Variants in TG observed in about 807,000 individuals in gnomAD.
TG encodes the protein thyroglobulin.
TG carries 270 observed loss-of-function variants against 324.7 expected under a neutral mutation model. The observed-to-expected ratio is 0.83, with a 90% CI of 0.75 to 0.92. TG has a LOEUF of 0.92. Ranked by LOEUF, TG falls within the 40% of genes least tolerant of loss-of-function variation. The pLI is 0.00. For missense variants in TG, 3,591 were observed against 3,456.4 expected, an observed-to-expected ratio of 1.04 and a Z score of -0.98; for synonymous variants, 1,401 against 1,327.0, an observed-to-expected ratio of 1.06 and a Z score of -1.21.
chr8:133,078,561 G>T (rs1255418773), intron 41 of TG, among the ~76,000 whole-genome samples: 2 of 152,144 alleles, frequency 1.3e-5, no homozygotes, highest in Non-Finnish European at 2.9e-5. Flanking sequence ...CATGCATTTT[G>T]TGCTCCATAC....
chr8:133,045,177 A>C, intron 41 of TG: 19 of 1,590,752 alleles, frequency 1.2e-5, no homozygotes, highest in Non-Finnish European at 1.6e-5. Flanking sequence ...GCACCCAGCT[A>C]ACCAGCCCAC....
chr8:133,042,636 G>A (rs1587849428), intron 41 of TG, among the ~76,000 whole-genome samples: 1 of 125,320 alleles, frequency 8.0e-6, no homozygotes, highest in Non-Finnish European at 1.6e-5. Context: ...GTTGCTAGAT[G>A]TCAATTCAAA....
At chr8:132,946,978 G>C (rs1304370858) in intron 26 of TG, among the ~76,000 whole-genome samples, 1 of 152,142 alleles carries the variant, frequency 6.6e-6, no homozygotes, top group Non-Finnish European at 1.5e-5. Flanking sequence ...TCTGTTTCCT[G>C]GCTTTCAAGT....
At chr8:133,096,398 G>T in intron 43 of TG, 25 bp downstream of exon 43, 1 of 1,613,830 alleles carries the variant, frequency 6.2e-7, no homozygotes, top group African/African-American at 1.3e-5. Context: ...GGCCTCGGAT[G>T]TCTCCAGCTG....
intron 41 of TG, chr8:133,048,053 C>T (rs1020768165): frequency 4.9e-6 from 3 of 610,002 alleles, no homozygotes; most frequent in Admixed American, 2.9e-5. Context: ...CCCACTGAGA[C>T]AGGAAGCATC....
chr8:132,961,379 C>A (rs564522034), intron 28 of TG, among the ~76,000 whole-genome samples: 1 of 152,288 alleles, frequency 6.6e-6, no homozygotes, highest in South Asian at 2.1e-4. Flanking sequence ...AGGGCCATTG[C>A]AAAGCACAGG....
intron 16 of TG, 131 bp downstream of exon 16, chr8:132,901,684 T>A (rs566033863): frequency 2.1e-6 from 2 of 955,416 alleles, no homozygotes; most frequent in South Asian, 1.7e-5. Context: ...GGGATGTAGT[T>A]GTGGTTGAGT....
intron 41 of TG, among the ~76,000 whole-genome samples, chr8:133,055,285 T>C (rs2741198): frequency 6.6e-6 from 1 of 151,740 alleles, no homozygotes; most frequent in Non-Finnish European, 1.5e-5. Context: ...CCTGGAGTCA[T>C]GGCTAAACTC....
chr8:132,900,456 A>T, intron 15 of TG, 117 bp downstream of exon 15: 1 of 925,672 alleles, frequency 1.1e-6, no homozygotes, highest in Non-Finnish European at 1.7e-6. Flanking sequence ...GTGGGGGCAC[A>T]GCTGCTGACC....
At chr8:133,060,931 C>T (rs1010893966) in intron 41 of TG, among the ~76,000 whole-genome samples, 27 of 152,320 alleles carry the variant, frequency 1.8e-4, no homozygotes, top group African/African-American at 5.8e-4. Context: ...TGCTCCATAA[C>T]GGTTTTCAAG....
At chr8:133,025,972 G>A (rs1836031105) in intron 40 of TG, among the ~76,000 whole-genome samples, 1 of 152,154 alleles carries the variant, frequency 6.6e-6, no homozygotes, top group African/African-American at 2.4e-5. Context: ...AAGTCTTGCA[G>A]GGCGTCTCAC....
At position 132,923,507 on chromosome 8, in the gene TG, G is replaced by C; in HGVS notation, c.4698G>C (p.Leu1566Phe). 6.2e-7 allele frequency: 1 copy of C among 1,613,326 alleles called. No individual in the cohort carries two copies. The highest frequency in any genetic ancestry group is 8.5e-7 in the Non-Finnish European group (1 of 1,179,370). Residue 1566 changes from leucine (L) to phenylalanine (F), a missense_variant and splice_region_variant, in exon 22 of 48, where the codon TTG becomes TTC. Coordinates refer to ENST00000220616, the MANE Select transcript of TG (RefSeq NM_003235.5). ...TEAPLEDSQC[L>F]MMQKFEKVPE... ...CCCCTCTTGAGGACTCACAGTGTTT[G>C]AGTAGGTGCTGGGGGTGAAATCAGT...
At chr8:133,133,341 C>T in intron 46 of TG, 129 bp from the exon 47 acceptor site, 1 of 954,040 alleles carries the variant, frequency 1.0e-6, no homozygotes, top group Admixed American at 1.9e-5. Context: ...AGGGAGTTCA[C>T]ATGCAGCCTT....
chr8:132,872,625 ACACT>A (rs1839598810), intron 4 of TG, among the ~76,000 whole-genome samples: 2 of 152,076 alleles, frequency 1.3e-5, no homozygotes, highest in Admixed American at 6.6e-5. Flanking sequence ...CTTGGCTTTC[ACACT>A]CACTCACTGA....
chr8:132,923,242 A>T, intron 21 of TG, 96 bp from the exon 22 acceptor site: 1 of 1,355,346 alleles, frequency 7.4e-7, no homozygotes, highest in Non-Finnish European at 1.0e-6. Flanking sequence ...TAGATGTGTG[A>T]CTTGGACACC....
chr8:132,883,759 G>T (rs1587233961), intron 8 of TG, among the ~76,000 whole-genome samples: 2 of 152,144 alleles, frequency 1.3e-5, no homozygotes, highest in African/African-American at 4.8e-5. Flanking sequence ...CGGAGGCAAC[G>T]GGGCTAATTA....
intron 32 of TG, among the ~76,000 whole-genome samples, chr8:132,970,789 A>G (rs1472859735): frequency 3.3e-5 from 5 of 152,166 alleles, no homozygotes. Flanking sequence ...GGGAAAATCC[A>G]TGGTCCAGAC....
chr8:132,963,182 T>G, intron 29 of TG, 108 bp downstream of exon 29: 5 of 1,037,542 alleles, frequency 4.8e-6, no homozygotes, highest in Non-Finnish European at 7.6e-6. Flanking sequence ...CACTCTATTC[T>G]GTATCCATGG....
intron 41 of TG, among the ~76,000 whole-genome samples, chr8:133,069,092 A>G (rs2702991): frequency 0.61 from 92,636 of 152,150 alleles, 28,694 homozygotes; most frequent in East Asian, 0.81. Context: ...TTCATTTCAA[A>G]TGTGGATACT....
Sources: allele counts gnomAD v4.1 joint callset (sites outside exome capture counted in the v4.1 genomes callset), GRCh38; gene constraint gnomAD v4.1.1; transcripts MANE v1.5; gene names NCBI Gene and HGNC (gene_info 2026-07-23, HGNC 2026-07-21).